IMMP2L: variants seen among roughly 807,000 people sequenced by gnomAD.
IMMP2L encodes inner mitochondrial membrane peptidase subunit 2, also known as mitochondrial inner membrane protease subunit 2.
Under a neutral mutation model 19.3 loss-of-function variants are expected in IMMP2L, and 18 were observed. The ratio of observed to expected loss-of-function variants is 0.93; its 90% CI spans 0.64 to 1.38. The LOEUF (loss-of-function observed/expected upper bound fraction) is 1.38. Ranked by LOEUF, IMMP2L falls within the 40% of genes most tolerant of loss-of-function variation. The pLI is 0.00. For synonymous variants in IMMP2L, 76 were observed against 73.0 expected (o/e 1.04, Z -0.21); for missense variants, 233 against 218.2 (o/e 1.07, Z -0.43).
intron 3 of IMMP2L, among the ~76,000 whole-genome samples, chr7:111,466,618 G>T (rs1007597923): frequency 2.6e-5 from 4 of 152,060 alleles, no homozygotes; most frequent in African/African-American, 9.7e-5. Flanking sequence ...ATTTATATAA[G>T]TACATTTATC....
At chr7:111,394,034 T>A (rs1318703497) in intron 3 of IMMP2L, among the ~76,000 whole-genome samples, 1 of 152,146 alleles carries the variant, frequency 6.6e-6, no homozygotes, top group Non-Finnish European at 1.5e-5. Context: ...AGTCTGCTAG[T>A]CTCACTTTCA....
chr7:110,704,034 A>C (rs1217101571), intron 5 of IMMP2L, among the ~76,000 whole-genome samples: 2 of 151,922 alleles, frequency 1.3e-5, no homozygotes, highest in Non-Finnish European at 2.9e-5. Context: ...TTTTTAGTAG[A>C]GACAGGGTTT....
At chr7:110,952,058 AAAGACAATTTGT>A (rs1817883910) in intron 4 of IMMP2L, among the ~76,000 whole-genome samples, 1 of 152,170 alleles carries the variant, frequency 6.6e-6, no homozygotes, top group African/African-American at 2.4e-5. Flanking sequence ...GGGTATTTTA[AAAGACAATTTGT>A]AAGCTTCTTA....
At chr7:111,349,388 C>A (rs570364765) in intron 3 of IMMP2L, among the ~76,000 whole-genome samples, 3 of 152,020 alleles carry the variant, frequency 2.0e-5, no homozygotes, top group East Asian at 3.9e-4. Context: ...AAGTGGGATG[C>A]AATATACCTC....
chr7:111,466,597 T>C (rs1840694625), intron 3 of IMMP2L, among the ~76,000 whole-genome samples: 1 of 152,202 alleles, frequency 6.6e-6, no homozygotes, highest in South Asian at 2.1e-4. Context: ...AGTTATGTAC[T>C]ATATCTGTGT....
intron 3 of IMMP2L, among the ~76,000 whole-genome samples, chr7:111,385,541 G>C (rs1221784036): frequency 1.3e-5 from 2 of 152,148 alleles, no homozygotes; most frequent in African/African-American, 4.8e-5. Flanking sequence ...AGGACTAGCA[G>C]TATCACTCCA....
chr7:111,360,937 A>T (rs1277096661), intron 3 of IMMP2L, among the ~76,000 whole-genome samples: 4 of 152,044 alleles, frequency 2.6e-5, no homozygotes, highest in African/African-American at 7.2e-5. Context: ...CATAATAAAT[A>T]TTTTTATTTT....
intron 3 of IMMP2L, among the ~76,000 whole-genome samples, chr7:111,054,463 A>T (rs1793307907): frequency 6.6e-6 from 1 of 152,318 alleles, no homozygotes; most frequent in African/African-American, 2.4e-5. Context: ...ATTTAAATGT[A>T]CCCAAGAAAT....
intron 3 of IMMP2L, among the ~76,000 whole-genome samples, chr7:111,028,999 A>G (rs541898439): frequency 6.6e-6 from 1 of 152,192 alleles, no homozygotes; most frequent in Non-Finnish European, 1.5e-5. Flanking sequence ...TTATACTTAC[A>G]TAAAATATCT....
At chr7:110,737,204 T>G (rs1796693644) in intron 5 of IMMP2L, among the ~76,000 whole-genome samples, 1 of 152,122 alleles carries the variant, frequency 6.6e-6, no homozygotes, top group Non-Finnish European at 1.5e-5. Flanking sequence ...TGGATCACCA[T>G]GGCAGGCTCC....
At chr7:111,388,028 T>C (rs532781508) in intron 3 of IMMP2L, among the ~76,000 whole-genome samples, 1 of 135,706 alleles carries the variant, frequency 7.4e-6, no homozygotes, top group East Asian at 2.1e-4. Context: ...CCATTTTTAA[T>C]AGAAATTTGT....
At chr7:111,056,692 G>T (rs1435436468) in intron 3 of IMMP2L, among the ~76,000 whole-genome samples, 2 of 152,146 alleles carry the variant, frequency 1.3e-5, no homozygotes, top group African/African-American at 4.8e-5. Flanking sequence ...CATATTTTGT[G>T]CATGTATTAT....
At chr7:111,234,342 T>G (rs1052325804) in intron 3 of IMMP2L, among the ~76,000 whole-genome samples, 8 of 152,130 alleles carry the variant, frequency 5.3e-5, no homozygotes, top group African/African-American at 1.9e-4. Context: ...AGGTCTTCTA[T>G]GTCTGTATCT....
At chr7:110,883,090 T>G (rs1809858078) in intron 5 of IMMP2L, among the ~76,000 whole-genome samples, 1 of 152,206 alleles carries the variant, frequency 6.6e-6, no homozygotes, top group South Asian at 2.1e-4. Flanking sequence ...AACATTTTTT[T>G]GCGCTTTATA....
At chr7:111,168,793 G>A (rs1463438682) in intron 3 of IMMP2L, among the ~76,000 whole-genome samples, 1 of 151,760 alleles carries the variant, frequency 6.6e-6, no homozygotes, top group Non-Finnish European at 1.5e-5. Context: ...GACACTAAAT[G>A]GAAAGATGCT....
At chr7:110,680,951 T>A (rs1174648422) in intron 5 of IMMP2L, among the ~76,000 whole-genome samples, 1 of 152,134 alleles carries the variant, frequency 6.6e-6, no homozygotes. Context: ...GTGTGCTGTG[T>A]TCCTAGCTGT....
At chr7:110,838,930 C>G (rs940344718) in intron 5 of IMMP2L, among the ~76,000 whole-genome samples, 3 of 151,688 alleles carry the variant, frequency 2.0e-5, no homozygotes, top group Non-Finnish European at 2.9e-5. Context: ...GTTTTAAGAT[C>G]TAGTGATTTT....
At chr7:111,125,094 C>T (rs897609757) in intron 3 of IMMP2L, 17 of 501,068 alleles carry the variant, frequency 3.4e-5, no homozygotes, top group Non-Finnish European at 5.7e-5. Flanking sequence ...TTTTAAGTAA[C>T]TGGCTTCAAG....
chr7:111,093,956 T>C (rs527725939), intron 3 of IMMP2L, among the ~76,000 whole-genome samples: 1 of 152,224 alleles, frequency 6.6e-6, no homozygotes, highest in South Asian at 2.1e-4. Flanking sequence ...GAGGTGGTGG[T>C]TGTTGTTGTT....
Sources: gnomAD v4.1 joint callset for allele counts (sites outside exome capture counted in the v4.1 genomes callset) on GRCh38, gnomAD v4.1.1 for gene constraint, MANE v1.5 for transcripts, NCBI Gene and HGNC (gene_info 2026-07-23, HGNC 2026-07-21) for gene names.